Variants in AGK observed in about 807,000 individuals in gnomAD.
AGK encodes the protein acylglycerol kinase.
In AGK, 52 loss-of-function variants were observed where a neutral mutation model predicts 66.4. The observed-to-expected ratio is 0.78, with a 90% CI of 0.63 to 0.99. The LOEUF is 0.99. Ranked by LOEUF, AGK falls within the 50% of genes least tolerant of loss-of-function variation. The probability of loss-of-function intolerance (pLI) is 0.00; values close to 1 mark genes in which losing one functional copy is unlikely to be tolerated. For missense variants in AGK, 451 were observed against 506.6 expected, an observed-to-expected ratio of 0.89 and a Z score of 1.05; for synonymous variants, 182 against 181.1, an observed-to-expected ratio of 1.00 and a Z score of -0.04.
intron 9 of AGK, among the ~76,000 whole-genome samples, chr7:141,623,876 C>T (rs940329892): frequency 6.6e-6 from 1 of 152,106 alleles, no homozygotes; most frequent in African/African-American, 2.4e-5. Context: ...TTAAAAACTA[C>T]TGCAGCTGGT....
chr7:141,636,965 G>A lies in AGK; in HGVS notation c.674G>A (p.Trp225Ter), dbSNP rs1286558750. 6.2e-7 allele frequency: 1 copy of A among 1,611,718 alleles called. No homozygotes were observed. Among genetic ancestry groups the A allele is most frequent in the South Asian group, 1.1e-5 (1 of 90,856 alleles). Residue 225 changes from tryptophan to a stop codon, truncating the protein, a stop_gained, in exon 11 of 16, where the codon TGG (tryptophan) becomes TAG (stop). Transcript: ENST00000649286. LOFTEE classifies it high-confidence loss of function. ...RDAGVKVSKY[W>*]YLGPLKIKAA... ...TTATCTTGGTCTTTTCACAGGTACT[G>A]GTATCTTGGGCCTCTAAAAATCAAA...
At chr7:141,628,551 C>T (rs1272902202) in intron 9 of AGK, among the ~76,000 whole-genome samples, 2 of 152,240 alleles carry the variant, frequency 1.3e-5, no homozygotes, top group East Asian at 3.9e-4. Flanking sequence ...TGACGATTCT[C>T]CATAGATAAA....
At chr7:141,570,378 C>A (rs1795573797) in intron 2 of AGK, among the ~76,000 whole-genome samples, 1 of 151,878 alleles carries the variant, frequency 6.6e-6, no homozygotes, top group South Asian at 2.1e-4. Flanking sequence ...CAGAGTGAGA[C>A]CCTGTCAAAA....
chr7:141,617,470 C>T (rs1796732716), intron 8 of AGK, among the ~76,000 whole-genome samples: 1 of 152,152 alleles, frequency 6.6e-6, no homozygotes, highest in African/African-American at 2.4e-5. Flanking sequence ...GTTCTGTAGG[C>T]CTCATAAAAT....
rs1396541647 is a variant in AGK, at chr7:141,653,480, TTTTTA to T, written c.*560_*564del. ...CGGCTACAATACCGGAAAATGCTAGTTTTTATTTATTTTTTTAAGTAGTGCTTCCT... is the reference window on the plus strand; with the variant it reads ...CGGCTACAATACCGGAAAATGCTAGTTTTATTTTTTTAAGTAGTGCTTCCT... On this transcript the variant is annotated 3_prime_UTR_variant, in exon 16 of 16. Coordinates refer to ENST00000649286, the MANE Select transcript of AGK (RefSeq NM_018238.4). The T allele has an allele frequency of 1.3e-5, 2 of 152,286 alleles. No homozygotes were observed. The highest frequency in any genetic ancestry group is 2.9e-5 in the Non-Finnish European group (2 of 68,126). 9.4% of individuals were successfully genotyped at this position (152,286 alleles called of 1,614,324 possible). A position where few individuals can be genotyped will look rare whatever the true frequency, so the allele number is the denominator to read the frequency against.
chr7:141,587,692 C>T (rs1587095618), intron 2 of AGK, among the ~76,000 whole-genome samples: 1 of 152,132 alleles, frequency 6.6e-6, no homozygotes, highest in African/African-American at 2.4e-5. Flanking sequence ...TGTAAAAAGC[C>T]TCTAATTCTC....
At chr7:141,648,732 A>G (rs1357294074) in intron 13 of AGK, among the ~76,000 whole-genome samples, 4 of 152,236 alleles carry the variant, frequency 2.6e-5, no homozygotes, top group Non-Finnish European at 5.9e-5. Flanking sequence ...GTGGCTGGAA[A>G]TGGAAAGTTT....
intron 11 of AGK, among the ~76,000 whole-genome samples, chr7:141,639,699 G>A (rs1237553613): frequency 6.6e-6 from 1 of 152,204 alleles, no homozygotes; most frequent in Non-Finnish European, 1.5e-5. Context: ...GAAGAAAGAT[G>A]AATGTAGGAG....
At chr7:141,554,798 A>C (rs1259095412) in intron 1 of AGK, among the ~76,000 whole-genome samples, 2 of 152,242 alleles carry the variant, frequency 1.3e-5, no homozygotes, top group African/African-American at 4.8e-5. Context: ...ATGAGTGTCT[A>C]TCATTTTGTT....
chr7:141,592,649 C>T lies in AGK; in HGVS notation c.102-497C>T, dbSNP rs187647715. Among the ~76,000 whole-genome samples the T allele has an allele frequency of 5.3e-5, 8 of 152,026 alleles. No individual in the cohort carries two copies. The East Asian group carries it at 5.8e-4, about 11-fold the overall frequency. On this transcript the variant is annotated intron_variant, in intron 2 of 15. Coordinates refer to ENST00000649286, the MANE Select transcript of AGK (RefSeq NM_018238.4). ...GAAATATTTAACACAGACTTTTATT[C>T]GGAGGATGTATTTTTCAAATGTGAT...
At chr7:141,638,338 T>C (rs1460799545) in intron 11 of AGK, among the ~76,000 whole-genome samples, 1 of 152,138 alleles carries the variant, frequency 6.6e-6, no homozygotes, top group Non-Finnish European at 1.5e-5. Flanking sequence ...TGGTGTGACA[T>C]GGCCCTTAAT....
chr7:141,560,726 A>G (rs772845672), intron 2 of AGK, among the ~76,000 whole-genome samples: 11 of 151,024 alleles, frequency 7.3e-5, no homozygotes, highest in Non-Finnish European at 1.3e-4. Context: ...TTGGCTTTCC[A>G]TTCCTGAGTT....
chr7:141,637,858 TA>T (rs1797207189), intron 11 of AGK, among the ~76,000 whole-genome samples: 1 of 152,194 alleles, frequency 6.6e-6, no homozygotes, highest in African/African-American at 2.4e-5. Flanking sequence ...ATTAAAAAAT[TA>T]AATGTAAAAC....
intron 10 of AGK, among the ~76,000 whole-genome samples, chr7:141,636,309 T>C (rs1196706155): frequency 6.6e-6 from 1 of 152,220 alleles, no homozygotes; most frequent in African/African-American, 2.4e-5. Flanking sequence ...GTTTGCATCT[T>C]AGTGTGGCTG....
chr7:141,636,715 A>G (rs1192257363), intron 10 of AGK, among the ~76,000 whole-genome samples: 2 of 152,354 alleles, frequency 1.3e-5, no homozygotes, highest in East Asian at 1.9e-4. Context: ...GCCTGGTTAT[A>G]TATCTCTCAT....
chr7:141,557,194 T>C (rs1322861292), intron 2 of AGK, among the ~76,000 whole-genome samples: 1 of 152,246 alleles, frequency 6.6e-6, no homozygotes, highest in Non-Finnish European at 1.5e-5. Flanking sequence ...AATAACTTTA[T>C]GATATAACAT....
intron 2 of AGK, among the ~76,000 whole-genome samples, chr7:141,560,955 A>G (rs1386143748): frequency 6.6e-6 from 1 of 151,896 alleles, no homozygotes; most frequent in African/African-American, 2.4e-5. Context: ...CACCGCACCC[A>G]GCTAATTTTT....
At chr7:141,588,182 A>G (rs1381053865) in intron 2 of AGK, among the ~76,000 whole-genome samples, 1 of 152,254 alleles carries the variant, frequency 6.6e-6, no homozygotes, top group African/African-American at 2.4e-5. Flanking sequence ...TTGCCCATTG[A>G]GTATTGTCTG....
chr7:141,573,012 T>C (rs1033066899), intron 2 of AGK, among the ~76,000 whole-genome samples: 7 of 152,366 alleles, frequency 4.6e-5, no homozygotes, highest in Admixed American at 2.0e-4. Context: ...GTCTGGGGCC[T>C]GGCGGCTTCA....
Sources: allele counts gnomAD v4.1 joint callset (sites outside exome capture counted in the v4.1 genomes callset), GRCh38; gene constraint gnomAD v4.1.1; transcripts MANE v1.5; gene names NCBI Gene and HGNC (gene_info 2026-07-23, HGNC 2026-07-21).